NRG3: variants seen among roughly 807,000 people sequenced by gnomAD.
The protein encoded by NRG3 is neuregulin 3.
A neutral mutation model predicts 66.9 loss-of-function variants in NRG3; 31 were observed. The observed-to-expected ratio is 0.46, with a 90% CI of 0.35 to 0.63. NRG3 has a LOEUF of 0.63. Ranked by LOEUF, NRG3 falls within the 20% of genes least tolerant of loss-of-function variation. The pLI is 0.00. For missense variants in NRG3, 910 were observed against 878.9 expected (o/e 1.04, Z -0.45); for synonymous variants, 393 against 359.4 (o/e 1.09, Z -1.06).
chr10:81,928,403 A>G (rs7075126), intron 1 of NRG3, among the ~76,000 whole-genome samples: 71,236 of 151,980 alleles, frequency 0.47, 20,733 homozygotes, highest in East Asian at 0.81. Flanking sequence ...ACCCAGCATT[A>G]GGACCAACTA....
At chr10:82,105,544 T>C (rs1421528641) in intron 1 of NRG3, among the ~76,000 whole-genome samples, 2 of 152,198 alleles carry the variant, frequency 1.3e-5, no homozygotes, top group Admixed American at 6.5e-5. Context: ...GTAGATACTT[T>C]GCTACTTTGT....
rs1480511299 is a variant in NRG3 at position 82,347,856 on chromosome 10, T to G, written c.824-10883T>G. ...TTGTCTCTTTTGATCTTTGCTGGTT[T>G]AAAGTCTGTTTTATCAGAGACTAGG... On this transcript the variant is annotated intron_variant, in intron 1 of 8. Transcript: ENST00000372141. 3.5e-3 allele frequency among the ~76,000 whole-genome samples: 533 copies of G among 152,144 alleles called. 1 individual carries two copies. Among genetic ancestry groups the G allele is most frequent in the African/African-American group, 0.012 (506 of 41,522 alleles).
At chr10:82,385,207 G>T (rs1025834523) in intron 2 of NRG3, among the ~76,000 whole-genome samples, 2 of 151,968 alleles carry the variant, frequency 1.3e-5, no homozygotes, top group Non-Finnish European at 2.9e-5. Context: ...GATATTGTAC[G>T]TTAGATCTTT....
chr10:82,453,577 G>C (rs1348682732), intron 2 of NRG3, among the ~76,000 whole-genome samples: 2 of 151,954 alleles, frequency 1.3e-5, no homozygotes, highest in South Asian at 4.1e-4. Flanking sequence ...ATAGCTTTAT[G>C]TAGAGAGAAA....
Position 82,261,154 on chromosome 10 carries a change from A to G in NRG3, c.824-97585A>G, listed in dbSNP as rs538338231. ...ACCCCATAATCCTCATAATCCCCAC[A>G]TGTCAAGGGAGAAACCAGCTGGAGG... On this transcript the variant is annotated intron_variant, in intron 1 of 8. Transcript: ENST00000372141. Among the ~76,000 whole-genome samples, 11 of 152,248 alleles carry G rather than the reference A, an allele frequency of 7.2e-5. No homozygotes were observed. In the South Asian group the frequency reaches 1.0e-3, roughly 14 times the overall value.
Position 82,040,035 on chromosome 10 carries a change from G to A in NRG3, c.823+163872G>A, listed in dbSNP as rs548838127. On this transcript the variant is annotated intron_variant, in intron 1 of 8. Coordinates refer to ENST00000372141, the MANE Select transcript of NRG3 (RefSeq NM_001010848.4). ...CACAAAGTTAATAAGGGTTAAGAAGGAGGATTCATACCTAGGTCTATCCTC... is the reference window on the plus strand; with the variant it reads ...CACAAAGTTAATAAGGGTTAAGAAGAAGGATTCATACCTAGGTCTATCCTC... Among the ~76,000 whole-genome samples, 14 of 152,196 alleles carry A rather than the reference G, an allele frequency of 9.2e-5. No individual in the cohort carries two copies. The South Asian group carries it at 2.7e-3, about 29-fold the overall frequency.
chr10:82,349,289 G>C (rs1284120001), intron 1 of NRG3, among the ~76,000 whole-genome samples: 1 of 152,022 alleles, frequency 6.6e-6, no homozygotes, highest in Non-Finnish European at 1.5e-5. Context: ...TAACAGACGG[G>C]ACCCTCAGCT....
At chr10:82,175,421 A>G (rs2072955054) in intron 1 of NRG3, among the ~76,000 whole-genome samples, 1 of 152,096 alleles carries the variant, frequency 6.6e-6, no homozygotes, top group Non-Finnish European at 1.5e-5. Context: ...ATCTCAGCTC[A>G]ACCATCCCTT....
intron 2 of NRG3, among the ~76,000 whole-genome samples, chr10:82,491,457 C>T (rs1843140574): frequency 6.6e-6 from 1 of 151,198 alleles, no homozygotes; most frequent in South Asian, 2.1e-4. Flanking sequence ...GTATTTTGAG[C>T]ACTTAAAACA....
At chr10:82,734,052 T>G (rs575221220) in intron 2 of NRG3, among the ~76,000 whole-genome samples, 2 of 152,310 alleles carry the variant, frequency 1.3e-5, no homozygotes, top group Admixed American at 1.3e-4. Flanking sequence ...ACATCCAGCC[T>G]GGGTAATATG....
intron 2 of NRG3, among the ~76,000 whole-genome samples, chr10:82,549,581 C>T (rs73311943): frequency 6.6e-6 from 1 of 152,084 alleles, no homozygotes; most frequent in East Asian, 1.9e-4. Context: ...TGCTATATTA[C>T]ACTCTAAAAT....
chr10:82,377,453 T>G (rs1465471419), intron 2 of NRG3, among the ~76,000 whole-genome samples: 3 of 127,368 alleles, frequency 2.4e-5, no homozygotes, highest in African/African-American at 1.2e-4. Flanking sequence ...TGTGTGTGTG[T>G]GTGTGCGCGA....
At chr10:82,932,469 G>A (rs1564641846) in intron 4 of NRG3, among the ~76,000 whole-genome samples, 1 of 152,124 alleles carries the variant, frequency 6.6e-6, no homozygotes, top group African/African-American at 2.4e-5. Context: ...TTGGGCATTG[G>A]TAAGGTACCA....
chr10:82,860,807 C>T (rs190713844), intron 3 of NRG3, among the ~76,000 whole-genome samples: 4 of 152,226 alleles, frequency 2.6e-5, no homozygotes, highest in Non-Finnish European at 4.4e-5. Context: ...CTTCTTCCAC[C>T]CTAATATCTG....
At chr10:81,945,245 T>C (rs147218427) in intron 1 of NRG3, among the ~76,000 whole-genome samples, 34 of 152,210 alleles carry the variant, frequency 2.2e-4, no homozygotes, top group Non-Finnish European at 4.7e-4. Flanking sequence ...TCTTTACTTT[T>C]CTTCTTCCTT....
At chr10:82,326,503 T>C (rs1276863955) in intron 1 of NRG3, among the ~76,000 whole-genome samples, 1 of 152,166 alleles carries the variant, frequency 6.6e-6, no homozygotes, top group African/African-American at 2.4e-5. Flanking sequence ...TGTTCTCATC[T>C]TCTTCTGGAA....
chr10:82,063,999 A>G (rs555252899), intron 1 of NRG3, among the ~76,000 whole-genome samples: 45 of 152,320 alleles, frequency 3.0e-4, no homozygotes, highest in African/African-American at 1.0e-3. Context: ...TCTGCCTCTT[A>G]TCATGATCCA....
chr10:82,070,314 A>G (rs933743150), intron 1 of NRG3, among the ~76,000 whole-genome samples: 2 of 152,082 alleles, frequency 1.3e-5, no homozygotes, highest in Non-Finnish European at 2.9e-5. Context: ...AAAGAATCCC[A>G]TCCTTTCAAG....
At chr10:82,726,073 T>C (rs2057580030) in intron 2 of NRG3, among the ~76,000 whole-genome samples, 1 of 152,146 alleles carries the variant, frequency 6.6e-6, no homozygotes, top group African/African-American at 2.4e-5. Flanking sequence ...AGCAAGAAGG[T>C]GGGGTCTGCA....
Sources: gnomAD v4.1 joint callset for allele counts (sites outside exome capture counted in the v4.1 genomes callset) on GRCh38, gnomAD v4.1.1 for gene constraint, MANE v1.5 for transcripts, NCBI Gene and HGNC (gene_info 2026-07-23, HGNC 2026-07-21) for gene names.